Variants in SYNGR4 observed in about 807,000 individuals in gnomAD.
SYNGR4 encodes the protein synaptogyrin-4.
SYNGR4 carries 15 observed loss-of-function variants against 15.5 expected under a neutral mutation model. The observed-to-expected ratio is 0.97, with a 90% CI of 0.65 to 1.49. The LOEUF (loss-of-function observed/expected upper bound fraction) is 1.49, where lower values mean the gene tolerates loss of function less well. Ranked by LOEUF, SYNGR4 falls within the 40% of genes most tolerant of loss-of-function variation. The pLI is 0.00. For synonymous variants in SYNGR4, 121 were observed against 127.4 expected (o/e 0.95, Z 0.34); for missense variants, 292 against 299.3 (o/e 0.98, Z 0.18).
intron 1 of SYNGR4, among the ~76,000 whole-genome samples, chr19:48,365,030 C>A (rs542018437): frequency 1.4e-3 from 206 of 151,708 alleles, no homozygotes; most frequent in Non-Finnish European, 2.3e-3. Flanking sequence ...TCCCCCACTC[C>A]TGGGACCCCC....
chr19:48,374,358 C>T (rs1396322652), intron 3 of SYNGR4, among the ~76,000 whole-genome samples: 2 of 152,170 alleles, frequency 1.3e-5, no homozygotes, highest in Admixed American at 6.5e-5. Flanking sequence ...GGATTACAGG[C>T]GTGAGCCACC....
chr19:48,373,797 G>T lies in SYNGR4; in HGVS notation c.331+43G>T, dbSNP rs139219354. On this transcript the variant is annotated intron_variant, in intron 3 of 4. Coordinates refer to ENST00000344846, the MANE Select transcript of SYNGR4 (RefSeq NM_012451.4). ...CCAACCCAGAGCTGCCCCTCCTCCCGCTCACAGCCCTCCTGGCTCCCCAGG... is the reference window on the plus strand; with the variant it reads ...CCAACCCAGAGCTGCCCCTCCTCCCTCTCACAGCCCTCCTGGCTCCCCAGG... 5.1e-4 allele frequency: 807 copies of T among 1,592,432 alleles called. 2 individuals carry two copies. The highest frequency in any genetic ancestry group is 1.6e-3 in the Admixed American group (97 of 59,866).
chr19:48,369,775 C>G (rs1370078833), intron 2 of SYNGR4, among the ~76,000 whole-genome samples: 1 of 152,162 alleles, frequency 6.6e-6, no homozygotes, highest in South Asian at 2.1e-4. Flanking sequence ...TGAATATGGG[C>G]TCAAAAATGA....
chr19:48,370,651 G>A (rs911815621), intron 2 of SYNGR4, among the ~76,000 whole-genome samples: 8 of 151,998 alleles, frequency 5.3e-5, no homozygotes, highest in African/African-American at 1.2e-4. Context: ...TCCAGACCTC[G>A]TGGGTTCAAA....
At chr19:48,368,466 A>G (rs1260697577) in intron 2 of SYNGR4, among the ~76,000 whole-genome samples, 1 of 152,010 alleles carries the variant, frequency 6.6e-6, no homozygotes, top group East Asian at 1.9e-4. Flanking sequence ...GCTCACTGCA[A>G]CTTTCGCCTC....
Position 48,376,115 on chromosome 19 carries a change from C to G in SYNGR4, c.502C>G (p.Leu168Val). The G allele has an allele frequency of 6.2e-7, 1 of 1,614,076 alleles. No homozygotes were observed. The highest frequency in any genetic ancestry group is 8.5e-7 in the Non-Finnish European group (1 of 1,179,994). Residue 168 changes from leucine (L) to valine (V), a missense_variant, in exon 5 of 5, where the codon CTC becomes GTC. By Grantham distance (32) the Leu-to-Val change is conservative (BLOSUM62 1). Transcript: ENST00000344846. ...IFQAYLAFQD[L>V]RNDAPVPYKR... ...CCAGGCCTACCTGGCATTCCAGGAC[C>G]TCCGAAATGATGCTCCAGTCCCTTA...
intron 2 of SYNGR4, chr19:48,373,205 G>A (rs1191760693): frequency 5.6e-6 from 2 of 357,810 alleles, no homozygotes; most frequent in Non-Finnish European, 1.1e-5. Flanking sequence ...GCTGTGGCAG[G>A]GAGGGGCAGG....
chr19:48,375,535 C>T (rs1970387607), intron 3 of SYNGR4, 78 bp from the exon 4 acceptor site: 1 of 1,543,180 alleles, frequency 6.5e-7, no homozygotes, highest in Non-Finnish European at 8.8e-7. Flanking sequence ...GACCACCAGC[C>T]CCATCCTTCC....
intron 4 of SYNGR4, 165 bp from the exon 5 acceptor site, chr19:48,375,920 C>A: frequency 1.3e-6 from 2 of 1,514,284 alleles, no homozygotes; most frequent in Non-Finnish European, 8.8e-7. Context: ...CTCTGAGCAG[C>A]CACAGCCCAG....
Position 48,376,133 on chromosome 19 carries a change from G to T in SYNGR4, c.520G>T (p.Val174Phe), listed in dbSNP as rs756778256. The T allele has an allele frequency of 6.2e-7, 1 of 1,614,080 alleles. No homozygotes were observed. Among genetic ancestry groups the T allele is most frequent in the Non-Finnish European group, 8.5e-7 (1 of 1,180,018 alleles). ...AFQDLRNDAP[V>F]PYKRFLDEGG... is the part of the protein sequence containing the mutation. ...CCAGGACCTCCGAAATGATGCTCCAGTCCCTTACAAGCGCTTCCTGGATGA... is the reference window on the plus strand; with the variant it reads ...CCAGGACCTCCGAAATGATGCTCCATTCCCTTACAAGCGCTTCCTGGATGA... The change falls in exon 5 of 5, where the codon GTC becomes TTC. Residue 174 changes from valine (V) to phenylalanine (F), a missense_variant. Transcript: ENST00000344846.
intron 2 of SYNGR4, among the ~76,000 whole-genome samples, chr19:48,372,598 C>T (rs1380008392): frequency 2.6e-5 from 4 of 151,862 alleles, no homozygotes; most frequent in Non-Finnish European, 5.9e-5. Context: ...CTGCAGTGAG[C>T]CGAGATGGCG....
At chr19:48,374,414 G>C (rs564504670) in intron 3 of SYNGR4, among the ~76,000 whole-genome samples, 1 of 152,056 alleles carries the variant, frequency 6.6e-6, no homozygotes, top group East Asian at 1.9e-4. Context: ...AAACACTCCC[G>C]ATGGAGCCTG....
intron 2 of SYNGR4, among the ~76,000 whole-genome samples, chr19:48,370,452 C>T (rs1326597140): frequency 6.6e-6 from 1 of 152,066 alleles, no homozygotes; most frequent in African/African-American, 2.4e-5. Flanking sequence ...CACTGCACTC[C>T]GGCCTGCAAG....
At chr19:48,373,949 G>A (rs2147410223) in intron 3 of SYNGR4, among the ~76,000 whole-genome samples, 195 bp downstream of exon 3, 1 of 152,164 alleles carries the variant, frequency 6.6e-6, no homozygotes, top group Non-Finnish European at 1.5e-5. Flanking sequence ...CTCCTCCTGG[G>A]GAATTATTTT....
At chr19:48,375,246 G>A (rs1215176348) in intron 3 of SYNGR4, among the ~76,000 whole-genome samples, 1 of 151,802 alleles carries the variant, frequency 6.6e-6, no homozygotes, top group Non-Finnish European at 1.5e-5. Flanking sequence ...GGCTGGTCTC[G>A]AACACCTGGC....
At chr19:48,373,928 G>A (rs1259802460) in intron 3 of SYNGR4, among the ~76,000 whole-genome samples, 174 bp downstream of exon 3, 2 of 152,126 alleles carry the variant, frequency 1.3e-5, no homozygotes, top group Non-Finnish European at 2.9e-5. Flanking sequence ...ACTGTGCCTG[G>A]CACCTGCTGT....
chr19:48,368,363 T>G (rs1257343741), intron 2 of SYNGR4, among the ~76,000 whole-genome samples: 1 of 152,178 alleles, frequency 6.6e-6, no homozygotes, highest in Admixed American at 6.5e-5. Flanking sequence ...AGTAGTGATC[T>G]TTCCTTAGTG....
At chr19:48,374,752 G>A (rs1249711555) in intron 3 of SYNGR4, among the ~76,000 whole-genome samples, 1 of 152,164 alleles carries the variant, frequency 6.6e-6, no homozygotes, top group Non-Finnish European at 1.5e-5. Context: ...AAGGCAGGTG[G>A]ATAACTTGAG....
At chr19:48,365,695 C>T in intron 1 of SYNGR4, 41 bp from the exon 2 acceptor site, 4 of 747,030 alleles carry the variant, frequency 5.4e-6, no homozygotes, top group Admixed American at 4.8e-5. Context: ...CCTTCCACCC[C>T]GTGCCCCTGA....
Sources: allele counts gnomAD v4.1 joint callset (sites outside exome capture counted in the v4.1 genomes callset), GRCh38; gene constraint gnomAD v4.1.1; transcripts MANE v1.5; gene names NCBI Gene and HGNC (gene_info 2026-07-23, HGNC 2026-07-21).